The following BZW2 variants were observed in gnomAD, a reference collection of about 807,000 sequenced individuals.
The protein encoded by BZW2 is basic leucine zipper and W2 domains 2, also known as eIF5-mimic protein 1.
In BZW2, 23 loss-of-function variants were observed where a neutral mutation model predicts 53.2. That is an observed-to-expected ratio of 0.43 (90% CI 0.31 to 0.61). The LOEUF is 0.61. Ranked by LOEUF, BZW2 falls within the 20% of genes least tolerant of loss-of-function variation. BZW2 has a pLI of 0.09. For synonymous variants in BZW2, 227 were observed against 186.4 expected (o/e 1.22, Z -1.77); for missense variants, 409 against 503.1 (o/e 0.81, Z 1.79).
chr7:16,687,363 C>T (rs1389508310), intron 6 of BZW2: 2 of 152,112 alleles, frequency 1.3e-5, no homozygotes, highest in African/African-American at 4.8e-5. Context: ...ATGGCTTTTC[C>T]TTAAACTCTG....
intron 3 of BZW2, among the ~76,000 whole-genome samples, chr7:16,678,347 A>G (rs1782832010): frequency 1.3e-5 from 2 of 152,026 alleles, no homozygotes; most frequent in Admixed American, 6.5e-5. Flanking sequence ...GCCCGGCCCC[A>G]TTGTTCTTAA....
chr7:16,686,992 T>C (rs542129787), intron 6 of BZW2: 37 of 152,338 alleles, frequency 2.4e-4, no homozygotes, highest in African/African-American at 7.7e-4. Flanking sequence ...TTATTTTTGC[T>C]ATTAGCCATT....
At chr7:16,653,582 A>G (rs1286901876) in intron 1 of BZW2, among the ~76,000 whole-genome samples, 1 of 152,210 alleles carries the variant, frequency 6.6e-6, no homozygotes, top group Non-Finnish European at 1.5e-5. Context: ...AATCTCATAT[A>G]AAATCATCTT....
Position 16,654,519 on chromosome 7 carries a change from CCCA to C in BZW2, c.-8+8232_-8+8234del, listed in dbSNP as rs1233215045. Among the ~76,000 whole-genome samples, 760 of 142,188 alleles carry C rather than the reference CCCA, an allele frequency of 5.3e-3. 10 individuals are homozygous for C. Among genetic ancestry groups the C allele is most frequent in the African/African-American group, 0.019 (723 of 38,972 alleles). 93.3% of individuals were successfully genotyped at this position (142,188 alleles called of 152,430 possible). A position where few individuals can be genotyped will look rare whatever the true frequency, so the allele number is the denominator to read the frequency against. On this transcript the variant is annotated intron_variant, in intron 1 of 11. Transcript: ENST00000258761. ...TTTTTTCTGTATATAACCCCCCCCC[CCCA>C]AAAAAAAACGGATGATATTTATTTA...
rs77779605 is a variant in BZW2 at position 16,698,762 on chromosome 7, C to T, written c.1108+576C>T. On this transcript the variant is annotated intron_variant, in intron 10 of 11. Coordinates refer to ENST00000258761, the MANE Select transcript of BZW2 (RefSeq NM_014038.3). ...AAATATGAATGCTAAAGGTTTTAAC[C>T]GATCCCAATCTGTATACCTACAGCA... Among the ~76,000 whole-genome samples, 201 of 152,218 alleles carry T rather than the reference C, an allele frequency of 1.3e-3. 1 individual carries two copies. The highest frequency in any genetic ancestry group is 4.5e-3 in the African/African-American group (187 of 41,518).
chr7:16,701,897 A>G (rs1371626608), intron 10 of BZW2, among the ~76,000 whole-genome samples: 6 of 152,132 alleles, frequency 3.9e-5, no homozygotes, highest in Non-Finnish European at 2.9e-5. Flanking sequence ...AGGGTGTCAG[A>G]AGGGATAGGA....
chr7:16,646,509 T>C (rs1387303029), intron 1 of BZW2, among the ~76,000 whole-genome samples: 2 of 151,962 alleles, frequency 1.3e-5, no homozygotes, highest in Non-Finnish European at 2.9e-5. Context: ...ACTCGCAACG[T>C]TTGGCCGCCT....
chr7:16,647,949 C>T (rs1277567918), intron 1 of BZW2, among the ~76,000 whole-genome samples: 1 of 152,198 alleles, frequency 6.6e-6, no homozygotes, highest in Non-Finnish European at 1.5e-5. Flanking sequence ...AGGATAGCAG[C>T]TTACTATCTA....
At position 16,681,135 on chromosome 7, in the gene BZW2, A is replaced by G. The variant is rs1452509529; in HGVS notation, c.236-166A>G. 2.6e-5 allele frequency among the ~76,000 whole-genome samples: 4 copies of G among 152,248 alleles called. No homozygotes were observed. In the South Asian group the frequency reaches 8.3e-4, roughly 32 times the overall value. On this transcript the variant is annotated intron_variant, in intron 3 of 11. Coordinates refer to ENST00000258761, the MANE Select transcript of BZW2 (RefSeq NM_014038.3). ...AAAAAAAAGGAAAAAATGTACAGCA[A>G]CGTGTGTACATCTATACATACATGT...
At chr7:16,657,394 A>AT (rs1321718867) in intron 1 of BZW2, among the ~76,000 whole-genome samples, 1 of 152,206 alleles carries the variant, frequency 6.6e-6, no homozygotes, top group Non-Finnish European at 1.5e-5. Flanking sequence ...AGAAATTAAC[A>AT]TTTTTAAGTC....
chr7:16,700,512 T>C (rs900188982), intron 10 of BZW2, among the ~76,000 whole-genome samples: 3 of 152,206 alleles, frequency 2.0e-5, no homozygotes, highest in African/African-American at 7.2e-5. Context: ...TTTCCTAATA[T>C]GCCTAAGAAT....
intron 6 of BZW2, 96 bp downstream of exon 6, chr7:16,686,136 C>T: frequency 6.6e-7 from 1 of 1,505,544 alleles, no homozygotes; most frequent in Non-Finnish European, 9.0e-7. Flanking sequence ...TTGGTGTCCT[C>T]TATTACTCAT....
chr7:16,700,030 G>A (rs1465995316), intron 10 of BZW2, among the ~76,000 whole-genome samples: 4 of 152,180 alleles, frequency 2.6e-5, no homozygotes, highest in Non-Finnish European at 5.9e-5. Flanking sequence ...TCTGTGGCAA[G>A]TATGACCTGG....
Position 16,681,317 on chromosome 7 carries a change from C to A in BZW2, c.252C>A (p.Arg84=). 2.5e-6 allele frequency: 4 copies of A among 1,613,860 alleles called. No individual in the cohort carries two copies. Among genetic ancestry groups the A allele is most frequent in the Non-Finnish European group, 3.4e-6 (4 of 1,179,856 alleles). ...TCTTTTTAGCCCCTGGAGGAACGCG[C>A]ATAGATGATGGTGACAAGACCAAGA... is the stretch of plus-strand genomic sequence containing the variant. ...AGSMLAPGGT[R]IDDGDKTKMT... Residue 84 remains arginine, a synonymous_variant, in exon 4 of 12, where the codon CGC becomes CGA. Coordinates refer to ENST00000258761, the MANE Select transcript of BZW2 (RefSeq NM_014038.3).
chr7:16,690,805 A>G (rs943938157), intron 7 of BZW2, among the ~76,000 whole-genome samples: 4 of 152,170 alleles, frequency 2.6e-5, no homozygotes, highest in Admixed American at 6.5e-5. Flanking sequence ...TGTAATTTCT[A>G]TCTGCTCCCT....
chr7:16,671,183 G>C (rs1312381516), intron 2 of BZW2, among the ~76,000 whole-genome samples: 1 of 152,052 alleles, frequency 6.6e-6, no homozygotes, highest in South Asian at 2.1e-4. Context: ...TTCATTGCTT[G>C]CTTCCCCCCA....
intron 8 of BZW2, 136 bp from the exon 9 acceptor site, chr7:16,696,779 A>T: frequency 4.7e-6 from 4 of 856,742 alleles, no homozygotes; most frequent in Non-Finnish European, 7.4e-6. Context: ...CAGTCTGAGA[A>T]TGCAGACAAG....
intron 8 of BZW2, among the ~76,000 whole-genome samples, chr7:16,696,667 C>G (rs1783501673): frequency 6.6e-6 from 1 of 152,208 alleles, no homozygotes; most frequent in Non-Finnish European, 1.5e-5. Flanking sequence ...CTCTCTTACT[C>G]CACATTATCC....
Position 16,697,860 on chromosome 7 carries a change from G to T in BZW2, c.970-188G>T, listed in dbSNP as rs531616294. The T allele has an allele frequency of 7.7e-5, 46 of 593,828 alleles. No individual in the cohort carries two copies. The East Asian group carries it at 1.1e-3, about 14-fold the overall frequency. The allele number at this position is 593,828 out of a possible 1,614,324, so 36.8% of individuals were successfully genotyped here. On this transcript the variant is annotated intron_variant, in intron 9 of 11. Transcript: ENST00000258761. ...CTTCTTCCCAGTTCCCTCACAGGTC[G>T]ACTATACTGCTTTGTTCCTACTGTT...
Sources: gnomAD v4.1 joint callset for allele counts (sites outside exome capture counted in the v4.1 genomes callset) on GRCh38, gnomAD v4.1.1 for gene constraint, MANE v1.5 for transcripts, NCBI Gene and HGNC (gene_info 2026-07-23, HGNC 2026-07-21) for gene names.